Variants in RAI14 observed in about 807,000 individuals in gnomAD.
RAI14 encodes the protein retinoic acid induced 14, also known as ankycorbin.
A neutral mutation model predicts 115.4 loss-of-function variants in RAI14; 45 were observed. That is an observed-to-expected ratio of 0.39 (90% CI 0.31 to 0.50). RAI14 has a LOEUF of 0.50. RAI14 is among the 20% of genes least tolerant of loss of function. RAI14 has a pLI of 0.85. For missense variants in RAI14, 939 were observed against 1,131.2 expected, an observed-to-expected ratio of 0.83 and a Z score of 2.44; for synonymous variants, 371 against 415.4, an observed-to-expected ratio of 0.89 and a Z score of 1.30.
intron 2 of RAI14, chr5:34,687,439 TC>T (rs1561238101): frequency 1.4e-6 from 1 of 695,474 alleles, no homozygotes; most frequent in Non-Finnish European, 2.0e-6. Context: ...GTACCTTTCC[TC>T]CCCCCGAATT....
chr5:34,731,889 G>A (rs1744229103), intron 2 of RAI14, among the ~76,000 whole-genome samples: 1 of 152,216 alleles, frequency 6.6e-6, no homozygotes, highest in Non-Finnish European at 1.5e-5. Flanking sequence ...CCTTCCAGGA[G>A]TCCTGATGCG....
chr5:34,733,969 C>G (rs926135551), intron 2 of RAI14, among the ~76,000 whole-genome samples: 1 of 152,188 alleles, frequency 6.6e-6, no homozygotes, highest in Non-Finnish European at 1.5e-5. Context: ...GGCTTCATAA[C>G]GTAGTGTCCC....
chr5:34,688,396 G>T (rs1404334484), intron 2 of RAI14: 5 of 728,024 alleles, frequency 6.9e-6, no homozygotes, highest in Non-Finnish European at 1.1e-5. Flanking sequence ...AATTTCATCA[G>T]TCTAGACTTC....
intron 16 of RAI14, among the ~76,000 whole-genome samples, chr5:34,829,421 C>T (rs2150316804): frequency 6.6e-6 from 1 of 152,264 alleles, no homozygotes; most frequent in South Asian, 2.1e-4. Context: ...CTCCTGACCT[C>T]AAGTGATCCA....
rs141317070 is a variant in RAI14, at chr5:34,728,879, G to A, written c.37-28589G>A. On this transcript the variant is annotated intron_variant, in intron 2 of 17. Coordinates refer to ENST00000265109, the MANE Select transcript of RAI14 (RefSeq NM_015577.3). ...TAAGGCTGCAGTGAGCCATGATGGC[G>A]TCACTGCACTCCAGCCTGGGCAACA... Among the ~76,000 whole-genome samples the A allele has an allele frequency of 6.2e-3, 935 of 151,866 alleles. 8 individuals are homozygous for A. Among genetic ancestry groups the A allele is most frequent in the African/African-American group, 0.021 (883 of 41,438 alleles).
At chr5:34,676,025 G>A (rs188005384) in intron 1 of RAI14, among the ~76,000 whole-genome samples, 30 of 152,266 alleles carry the variant, frequency 2.0e-4, no homozygotes, top group African/African-American at 6.5e-4. Context: ...CATTTCTCTC[G>A]TAGGTGGGAA....
At chr5:34,671,614 TA>T (rs1295956801) in intron 1 of RAI14, among the ~76,000 whole-genome samples, 1 of 152,174 alleles carries the variant, frequency 6.6e-6, no homozygotes. Flanking sequence ...TAAATCATAG[TA>T]AATTATCTAG....
At chr5:34,678,560 A>G (rs1220895261) in intron 1 of RAI14, among the ~76,000 whole-genome samples, 1 of 152,230 alleles carries the variant, frequency 6.6e-6, no homozygotes, top group African/African-American at 2.4e-5. Context: ...AGAAGACCAT[A>G]TGAAAACACA....
intron 2 of RAI14, among the ~76,000 whole-genome samples, chr5:34,747,924 C>T (rs1746498660): frequency 6.6e-6 from 1 of 152,138 alleles, no homozygotes; most frequent in Non-Finnish European, 1.5e-5. Flanking sequence ...CAGACCTTTA[C>T]AGATACTTTG....
At chr5:34,724,922 G>T (rs1411092747) in intron 2 of RAI14, among the ~76,000 whole-genome samples, 2 of 152,076 alleles carry the variant, frequency 1.3e-5, no homozygotes, top group African/African-American at 4.8e-5. Flanking sequence ...AAGGCAATAG[G>T]CTCTGGGAGA....
At chr5:34,733,944 A>T (rs985698079) in intron 2 of RAI14, among the ~76,000 whole-genome samples, 2 of 152,194 alleles carry the variant, frequency 1.3e-5, no homozygotes, top group Admixed American at 1.3e-4. Context: ...GGTACAGGCA[A>T]GATAGCACAA....
intron 2 of RAI14, among the ~76,000 whole-genome samples, chr5:34,746,870 G>T (rs1401783789): frequency 6.6e-6 from 1 of 152,172 alleles, no homozygotes; most frequent in Admixed American, 6.5e-5. Context: ...GAAGGTAATT[G>T]AATCATGGGG....
At chr5:34,657,403 G>C (rs1358959245) in intron 1 of RAI14, among the ~76,000 whole-genome samples, 5 of 152,188 alleles carry the variant, frequency 3.3e-5, no homozygotes, top group Admixed American at 3.3e-4. Context: ...GCAACAGACG[G>C]GGAATTAAGG....
At chr5:34,720,596 G>A (rs1426082762) in intron 2 of RAI14, among the ~76,000 whole-genome samples, 2 of 151,816 alleles carry the variant, frequency 1.3e-5, no homozygotes, top group East Asian at 3.9e-4. Context: ...ATTTTTAGTA[G>A]AGATGGGGTT....
intron 4 of RAI14, among the ~76,000 whole-genome samples, chr5:34,797,974 C>G (rs1435396487): frequency 2.6e-5 from 4 of 152,188 alleles, no homozygotes; most frequent in Admixed American, 2.6e-4. Context: ...TCAGCATAAC[C>G]AAAATCTTCC....
At position 34,768,701 on chromosome 5, in the gene RAI14, C is replaced by T. The variant is rs116800868; in HGVS notation, c.167+11103C>T. ...AAGAGCAAATGCTCTGGTTAAATGT[C>T]GTGGGCCCCGGGTGCGGTGATTCAC... On this transcript the variant is annotated intron_variant, in intron 3 of 17. Coordinates refer to ENST00000265109, the MANE Select transcript of RAI14 (RefSeq NM_015577.3). Among the ~76,000 whole-genome samples the T allele has an allele frequency of 5.0e-3, 763 of 152,128 alleles. 6 individuals carry two copies. Among genetic ancestry groups the T allele is most frequent in the Non-Finnish European group, 8.2e-3 (555 of 67,972 alleles).
intron 4 of RAI14, among the ~76,000 whole-genome samples, chr5:34,799,531 C>A (rs1190510546): frequency 3.8e-5 from 3 of 78,064 alleles, no homozygotes; most frequent in African/African-American, 1.3e-4. Context: ...CACACACACA[C>A]ACACACACAA....
At chr5:34,766,174 G>A (rs1749325656) in intron 3 of RAI14, among the ~76,000 whole-genome samples, 1 of 152,198 alleles carries the variant, frequency 6.6e-6, no homozygotes, top group African/African-American at 2.4e-5. Context: ...GAAATGTAGG[G>A]CTGGGATCCC....
At position 34,720,658 on chromosome 5, in the gene RAI14, C is replaced by T. The variant is rs183688547; in HGVS notation, c.36+33703C>T. Among the ~76,000 whole-genome samples the T allele has an allele frequency of 6.6e-3, 998 of 152,120 alleles. 6 individuals carry two copies. Among genetic ancestry groups the T allele is most frequent in the Middle Eastern group, 0.027 (8 of 294 alleles). On this transcript the variant is annotated intron_variant, in intron 2 of 17. Transcript: ENST00000265109. ...ATCTCCTGACTTTGTGATCTGCCCA[C>T]CTCGGCCTCCCAAAGTGCTGGGATT... is the stretch of plus-strand genomic sequence containing the variant.
Sources: allele counts gnomAD v4.1 joint callset (sites outside exome capture counted in the v4.1 genomes callset), GRCh38; gene constraint gnomAD v4.1.1; transcripts MANE v1.5; gene names NCBI Gene and HGNC (gene_info 2026-07-23, HGNC 2026-07-21).